SNX9: variants seen among roughly 807,000 people sequenced by gnomAD.
The protein encoded by SNX9 is sorting nexin 9.
In SNX9, 44 loss-of-function variants were observed where a neutral mutation model predicts 89.4. That is an observed-to-expected ratio of 0.49 (90% CI 0.39 to 0.63). The LOEUF is 0.63. Among genes scored for constraint, SNX9 ranks in the 30% least tolerant of loss-of-function variants. The pLI is 0.00. For missense variants in SNX9, 578 were observed against 736.1 expected, an observed-to-expected ratio of 0.79 and a Z score of 2.49; for synonymous variants, 236 against 247.8, an observed-to-expected ratio of 0.95 and a Z score of 0.45.
chr6:157,863,702 T>G (rs989635291), intron 1 of SNX9, among the ~76,000 whole-genome samples: 3 of 152,092 alleles, frequency 2.0e-5, no homozygotes, highest in African/African-American at 7.2e-5. Context: ...TTGGATACTG[T>G]TAGTGGTAGA....
At chr6:157,856,981 AAG>A (rs1412565922) in intron 1 of SNX9, among the ~76,000 whole-genome samples, 15 of 152,196 alleles carry the variant, frequency 9.9e-5, no homozygotes, top group Admixed American at 6.5e-4. Flanking sequence ...ATGCTTGTAA[AAG>A]AGAAACTTTT....
chr6:157,905,758 T>G (rs922403978), intron 6 of SNX9, among the ~76,000 whole-genome samples: 3 of 152,358 alleles, frequency 2.0e-5, no homozygotes, highest in Admixed American at 2.0e-4. Context: ...ATGTGGCTAT[T>G]GCCCCCTGTG....
At chr6:157,923,300 G>A (rs367671224) in intron 10 of SNX9, among the ~76,000 whole-genome samples, 10 of 152,246 alleles carry the variant, frequency 6.6e-5, no homozygotes, top group African/African-American at 1.2e-4. Flanking sequence ...GTAGCAGCTC[G>A]TGTAAATAAA....
intron 1 of SNX9, among the ~76,000 whole-genome samples, chr6:157,851,469 T>C (rs1423689549): frequency 6.6e-6 from 1 of 152,132 alleles, no homozygotes; most frequent in Non-Finnish European, 1.5e-5. Context: ...AAATAGAAAC[T>C]CTGTATTGCA....
chr6:157,835,097 C>T (rs1193130456), intron 1 of SNX9, among the ~76,000 whole-genome samples: 3 of 151,792 alleles, frequency 2.0e-5, no homozygotes, highest in Non-Finnish European at 4.4e-5. Flanking sequence ...ACTGCAACCT[C>T]CACCTCCTGG....
intron 5 of SNX9, among the ~76,000 whole-genome samples, chr6:157,899,259 G>A (rs1783044507): frequency 6.6e-6 from 1 of 151,886 alleles, no homozygotes; most frequent in Admixed American, 6.6e-5. Context: ...TGTCCCCCTC[G>A]TTGCCCTTCT....
intron 1 of SNX9, among the ~76,000 whole-genome samples, chr6:157,844,487 C>G (rs1781761200): frequency 6.6e-6 from 1 of 152,040 alleles, no homozygotes; most frequent in Non-Finnish European, 1.5e-5. Flanking sequence ...CAAAGTATCT[C>G]AAGCACTGAT....
At chr6:157,895,340 C>G (rs1782956959) in intron 4 of SNX9, among the ~76,000 whole-genome samples, 1 of 152,172 alleles carries the variant, frequency 6.6e-6, no homozygotes, top group Non-Finnish European at 1.5e-5. Context: ...TAGGAGGGGT[C>G]TGATAGGTCC....
At chr6:157,887,149 G>C (rs182857542) in intron 4 of SNX9, among the ~76,000 whole-genome samples, 6 of 152,130 alleles carry the variant, frequency 3.9e-5, no homozygotes, top group Non-Finnish European at 5.9e-5. Flanking sequence ...CCTTGTTCTG[G>C]GATGCACCTA....
At chr6:157,840,184 GACCC>G in intron 1 of SNX9, among the ~76,000 whole-genome samples, 2 of 118,172 alleles carry the variant, frequency 1.7e-5, no homozygotes, top group African/African-American at 7.6e-5. Flanking sequence ...GGAAAGAGCA[GACCC>G]TCAGGCTGGT....
intron 1 of SNX9, among the ~76,000 whole-genome samples, chr6:157,826,484 A>AGT (rs1781346776): frequency 6.8e-6 from 1 of 146,782 alleles, no homozygotes; most frequent in South Asian, 2.1e-4. Flanking sequence ...TGGGTGACAG[A>AGT]GTGAGACTCC....
chr6:157,928,987 A>C (rs1365057001), intron 12 of SNX9, among the ~76,000 whole-genome samples: 1 of 152,162 alleles, frequency 6.6e-6, no homozygotes, highest in East Asian at 1.9e-4. Context: ...TCATTTTTGC[A>C]TGTTTTCAGA....
chr6:157,861,105 A>G (rs180852593), intron 1 of SNX9, among the ~76,000 whole-genome samples: 3 of 152,352 alleles, frequency 2.0e-5, no homozygotes, highest in Admixed American at 6.5e-5. Flanking sequence ...AAAATTTTAC[A>G]TACAGAATAT....
At chr6:157,877,071 A>G (rs1782535000) in intron 4 of SNX9, among the ~76,000 whole-genome samples, 2 of 152,268 alleles carry the variant, frequency 1.3e-5, no homozygotes, top group African/African-American at 4.8e-5. Context: ...AGAAATATTT[A>G]TCTTATTTTA....
intron 1 of SNX9, among the ~76,000 whole-genome samples, chr6:157,851,612 C>T (rs148236229): frequency 1.2e-3 from 182 of 152,170 alleles, no homozygotes; most frequent in African/African-American, 3.3e-3. Flanking sequence ...CTTTTTGAAA[C>T]GGAGCCTCAC....
chr6:157,944,971 G>A lies in SNX9; in HGVS notation c.*2133G>A, dbSNP rs141656005. 12 of 152,274 alleles carry A rather than the reference G, an allele frequency of 7.9e-5. 1 individual carries two copies. The East Asian group carries it at 1.9e-3, about 24-fold the overall frequency. The allele number at this position is 152,274 out of a possible 1,614,324, so 9.4% of individuals were successfully genotyped here. On this transcript the variant is annotated 3_prime_UTR_variant, in exon 18 of 18. Coordinates refer to ENST00000392185, the MANE Select transcript of SNX9 (RefSeq NM_016224.5). ...CTCCGGGGAGTCACATGCACCATTTGGTTCTTAGATACGTTGATGTTTTGA... is the reference window on the plus strand; with the variant it reads ...CTCCGGGGAGTCACATGCACCATTTAGTTCTTAGATACGTTGATGTTTTGA...
chr6:157,873,293 A>G lies in SNX9; in HGVS notation c.174+117A>G, dbSNP rs1451037531. The G allele has an allele frequency of 5.0e-6, 3 of 597,514 alleles. No homozygotes were observed. In the East Asian group the frequency reaches 9.3e-5, roughly 19 times the overall value. The allele number at this position is 597,514 out of a possible 1,614,324, so 37.0% of individuals were successfully genotyped here. ...GCAAAACAAAATTTCCATTGTAAAT[A>G]TAATAAATGTTAACTATATAAAATA... On this transcript the variant is annotated intron_variant, in intron 3 of 17. Coordinates refer to ENST00000392185, the MANE Select transcript of SNX9 (RefSeq NM_016224.5).
chr6:157,884,012 A>G (rs1046912931), intron 4 of SNX9, among the ~76,000 whole-genome samples: 7 of 152,292 alleles, frequency 4.6e-5, no homozygotes, highest in Non-Finnish European at 8.8e-5. Flanking sequence ...GTACTTTACA[A>G]TGTAAGGTAT....
At chr6:157,858,086 G>T (rs1782047577) in intron 1 of SNX9, among the ~76,000 whole-genome samples, 1 of 152,040 alleles carries the variant, frequency 6.6e-6, no homozygotes, top group Non-Finnish European at 1.5e-5. Context: ...TACTAACCCA[G>T]CCAGGTTCAG....
Sources: gnomAD v4.1 joint callset for allele counts (sites outside exome capture counted in the v4.1 genomes callset) on GRCh38, gnomAD v4.1.1 for gene constraint, MANE v1.5 for transcripts, NCBI Gene and HGNC (gene_info 2026-07-23, HGNC 2026-07-21) for gene names.